The following RSRC1 variants were observed in gnomAD, a reference collection of about 807,000 sequenced individuals.
RSRC1 encodes the protein serine/Arginine-related protein 53.
RSRC1 carries 39 observed loss-of-function variants against 49.1 expected under a neutral mutation model. The ratio of observed to expected loss-of-function variants is 0.79; its 90% confidence interval spans 0.61 to 1.04. The LOEUF (loss-of-function observed/expected upper bound fraction) is 1.04, where lower values mean the gene tolerates loss of function less well. Among genes scored for constraint, RSRC1 ranks in the 50% least tolerant of loss-of-function variants. The pLI, the probability that RSRC1 is intolerant of heterozygous loss-of-function variation, is 0.00. For synonymous variants in RSRC1, 143 were observed against 130.8 expected, an observed-to-expected ratio of 1.09 and a Z score of -0.63; for missense variants, 388 against 402.4, an observed-to-expected ratio of 0.96 and a Z score of 0.31.
intron 7 of RSRC1, among the ~76,000 whole-genome samples, chr3:158,470,077 T>A (rs986601521): frequency 6.6e-6 from 1 of 152,038 alleles, no homozygotes; most frequent in African/African-American, 2.4e-5. Flanking sequence ...AGATCATTAC[T>A]CTAAGGATAC....
At chr3:158,454,054 A>G (rs1311262793) in intron 6 of RSRC1, among the ~76,000 whole-genome samples, 1 of 151,910 alleles carries the variant, frequency 6.6e-6, no homozygotes, top group Non-Finnish European at 1.5e-5. Context: ...TTTCACCACA[A>G]TTTGCTTATG....
At chr3:158,298,099 C>A (rs1434921057) in intron 5 of RSRC1, 24 bp downstream of exon 5, 2 of 1,552,148 alleles carry the variant, frequency 1.3e-6, no homozygotes, top group Admixed American at 3.4e-5. Context: ...TTCTCTTGAA[C>A]ATTTGCATCA....
At chr3:158,493,244 G>A (rs1418019711) in intron 7 of RSRC1, among the ~76,000 whole-genome samples, 2 of 152,200 alleles carry the variant, frequency 1.3e-5, no homozygotes, top group African/African-American at 4.8e-5. Flanking sequence ...CAGTTATTGA[G>A]TAGCTTGCAT....
At chr3:158,194,738 C>T (rs1720469337) in intron 3 of RSRC1, among the ~76,000 whole-genome samples, 1 of 147,644 alleles carries the variant, frequency 6.8e-6, no homozygotes. Context: ...TGAGTAAGAA[C>T]ATGTGCTGTT....
intron 7 of RSRC1, among the ~76,000 whole-genome samples, chr3:158,482,268 A>C (rs1472138426): frequency 6.6e-6 from 1 of 152,086 alleles, no homozygotes; most frequent in Non-Finnish European, 1.5e-5. Flanking sequence ...TATCCAAAAA[A>C]TAAATTAATA....
intron 4 of RSRC1, among the ~76,000 whole-genome samples, chr3:158,288,860 G>T (rs1010021456): frequency 3.8e-5 from 4 of 105,694 alleles, no homozygotes; most frequent in South Asian, 3.3e-4. Context: ...AAATATTTTT[G>T]ATCTGTGGTT....
chr3:158,151,156 A>C (rs150097050), intron 3 of RSRC1, among the ~76,000 whole-genome samples: 51 of 152,342 alleles, frequency 3.3e-4, no homozygotes, highest in Admixed American at 7.8e-4. Flanking sequence ...ATACAGATTT[A>C]TTTACTATAA....
intron 3 of RSRC1, among the ~76,000 whole-genome samples, chr3:158,192,024 A>G (rs1720270575): frequency 6.6e-6 from 1 of 152,022 alleles, no homozygotes; most frequent in African/African-American, 2.4e-5. Flanking sequence ...ACAGCCTTTA[A>G]TAATTTTTTT....
intron 4 of RSRC1, among the ~76,000 whole-genome samples, chr3:158,235,078 CATAAT>C (rs367716369): frequency 3.3e-5 from 5 of 152,134 alleles, no homozygotes; most frequent in African/African-American, 9.7e-5. Flanking sequence ...TTAAATCAAA[CATAAT>C]ATAATAGCCA....
At chr3:158,113,240 T>G (rs1231763925) in intron 1 of RSRC1, among the ~76,000 whole-genome samples, 1 of 152,208 alleles carries the variant, frequency 6.6e-6, no homozygotes, top group Non-Finnish European at 1.5e-5. Context: ...CCTCAAAGTA[T>G]CACCCGTTCT....
At chr3:158,389,788 T>C (rs1733167164) in intron 6 of RSRC1, among the ~76,000 whole-genome samples, 2 of 152,196 alleles carry the variant, frequency 1.3e-5, no homozygotes, top group East Asian at 1.9e-4. Context: ...TCACAAGTCA[T>C]GTGAGACATG....
intron 5 of RSRC1, among the ~76,000 whole-genome samples, chr3:158,344,467 A>G (rs4411841): frequency 0.073 from 11,157 of 152,284 alleles, 479 homozygotes; most frequent in South Asian, 0.13. Context: ...CATCATTAAA[A>G]TACCAAAAGA....
intron 5 of RSRC1, among the ~76,000 whole-genome samples, chr3:158,352,600 C>T (rs546348665): frequency 7.2e-5 from 11 of 152,264 alleles, no homozygotes; most frequent in African/African-American, 2.6e-4. Context: ...GACATGTATG[C>T]TTCCTAATTC....
Position 158,461,023 on chromosome 3 carries a change from T to C in RSRC1, c.652+20T>C. The C allele has an allele frequency of 8.3e-6, 13 of 1,567,496 alleles. No homozygotes were observed. Among genetic ancestry groups the C allele is most frequent in the Non-Finnish European group, 1.1e-5 (13 of 1,145,272 alleles). On this transcript the variant is annotated intron_variant, in intron 7 of 9. Transcript: ENST00000611884. ...AGGAAGGTAAAGGCATGTGTTCATT[T>C]TTCTCTGAGAAATCACTATTTGGCT...
At chr3:158,190,369 G>A (rs1720166327) in intron 3 of RSRC1, among the ~76,000 whole-genome samples, 1 of 151,822 alleles carries the variant, frequency 6.6e-6, no homozygotes, top group Non-Finnish European at 1.5e-5. Context: ...TGTTCATTGT[G>A]TGCCTCTTCT....
At chr3:158,455,699 G>A (rs938804521) in intron 6 of RSRC1, among the ~76,000 whole-genome samples, 1 of 152,040 alleles carries the variant, frequency 6.6e-6, no homozygotes, top group African/African-American at 2.4e-5. Context: ...GGGCAACATG[G>A]CCTGGTGCGG....
chr3:158,318,308 A>G (rs1228734901), intron 5 of RSRC1, among the ~76,000 whole-genome samples: 1 of 152,218 alleles, frequency 6.6e-6, no homozygotes, highest in Non-Finnish European at 1.5e-5. Context: ...ACAGGAACAC[A>G]GGCAACATTA....
At chr3:158,384,758 C>G (rs1318846772) in intron 6 of RSRC1, among the ~76,000 whole-genome samples, 2 of 152,150 alleles carry the variant, frequency 1.3e-5, no homozygotes, top group East Asian at 3.9e-4. Context: ...CCTCCTTCTT[C>G]TTGCCCTCTA....
At chr3:158,238,429 A>T (rs1404998895) in intron 4 of RSRC1, among the ~76,000 whole-genome samples, 2 of 152,184 alleles carry the variant, frequency 1.3e-5, no homozygotes, top group Non-Finnish European at 2.9e-5. Context: ...AGCCAAAAGA[A>T]CAAAGCTGGA....
Sources: allele counts gnomAD v4.1 joint callset (sites outside exome capture counted in the v4.1 genomes callset), GRCh38; gene constraint gnomAD v4.1.1; transcripts MANE v1.5; gene names NCBI Gene and HGNC (gene_info 2026-07-23, HGNC 2026-07-21).